Variants in SRPK2 observed in about 807,000 individuals in gnomAD.
SRPK2 encodes SRSF protein kinase 2.
SRPK2 carries 21 observed loss-of-function variants against 90.8 expected under a neutral mutation model. The observed-to-expected ratio is 0.23, with a 90% CI of 0.16 to 0.33. The LOEUF is 0.33. Among genes scored for constraint, SRPK2 ranks in the 10% least tolerant of loss-of-function variants. SRPK2 has a pLI of 1.00. For synonymous variants in SRPK2, 288 were observed against 311.1 expected (o/e 0.93, Z 0.78); for missense variants, 620 against 869.0 (o/e 0.71, Z 3.60).
At chr7:105,246,486 A>G (rs1195727642) in intron 2 of SRPK2, among the ~76,000 whole-genome samples, 2 of 152,228 alleles carry the variant, frequency 1.3e-5, no homozygotes, top group Non-Finnish European at 2.9e-5. Context: ...CAGAATACAG[A>G]GCTACAGATA....
At chr7:105,385,890 T>TA (rs1321979086) in intron 2 of SRPK2, among the ~76,000 whole-genome samples, 1 of 152,212 alleles carries the variant, frequency 6.6e-6, no homozygotes, top group Non-Finnish European at 1.5e-5. Flanking sequence ...CATCTATTAT[T>TA]ATTACTTAAC....
At chr7:105,218,375 CAGT>C (rs747849232) in intron 2 of SRPK2, among the ~76,000 whole-genome samples, 3 of 152,172 alleles carry the variant, frequency 2.0e-5, no homozygotes, top group Non-Finnish European at 4.4e-5. Flanking sequence ...TCTTCTGACT[CAGT>C]AGGTCAGGAA....
intron 2 of SRPK2, among the ~76,000 whole-genome samples, chr7:105,315,992 G>A (rs960727840): frequency 1.3e-5 from 2 of 149,290 alleles, no homozygotes; most frequent in African/African-American, 4.9e-5. Context: ...GCAAAAAGGT[G>A]TACACTAAAC....
At chr7:105,218,847 C>T (rs1216333150) in intron 2 of SRPK2, among the ~76,000 whole-genome samples, 1 of 151,828 alleles carries the variant, frequency 6.6e-6, no homozygotes, top group Admixed American at 6.6e-5. Context: ...ATTCATTTTT[C>T]TTTTCTCCTT....
chr7:105,220,831 G>C (rs1798007469), intron 2 of SRPK2, among the ~76,000 whole-genome samples: 1 of 151,970 alleles, frequency 6.6e-6, no homozygotes, highest in Admixed American at 6.6e-5. Flanking sequence ...TGTTTCAGAA[G>C]CCATCTTGAA....
At chr7:105,395,952 G>C (rs1822309435) in intron 1 of SRPK2, among the ~76,000 whole-genome samples, 1 of 151,862 alleles carries the variant, frequency 6.6e-6, no homozygotes, top group South Asian at 2.1e-4. Context: ...TTTCACTCTT[G>C]TTGCTCGGGC....
At chr7:105,311,689 A>G (rs1221055276) in intron 2 of SRPK2, among the ~76,000 whole-genome samples, 1 of 152,214 alleles carries the variant, frequency 6.6e-6, no homozygotes, top group Non-Finnish European at 1.5e-5. Flanking sequence ...AATACAGACA[A>G]TAAGTGTAGG....
intron 7 of SRPK2, among the ~76,000 whole-genome samples, chr7:105,148,353 T>A (rs1804978971): frequency 6.6e-6 from 1 of 152,216 alleles, no homozygotes; most frequent in Non-Finnish European, 1.5e-5. Context: ...AAGAAAGTGA[T>A]GAACCAAGAT....
chr7:105,271,860 C>A (rs1211062666), intron 2 of SRPK2, among the ~76,000 whole-genome samples: 2 of 152,154 alleles, frequency 1.3e-5, no homozygotes, highest in African/African-American at 2.4e-5. Flanking sequence ...CTTTATTTTT[C>A]TGCAATAAAG....
At chr7:105,370,151 A>C (rs1315156063) in intron 2 of SRPK2, among the ~76,000 whole-genome samples, 1 of 152,226 alleles carries the variant, frequency 6.6e-6, no homozygotes, top group Admixed American at 6.5e-5. Flanking sequence ...TGAAGCACCC[A>C]GCCACAAAAG....
At chr7:105,181,320 G>A (rs892339307) in intron 3 of SRPK2, among the ~76,000 whole-genome samples, 2 of 152,184 alleles carry the variant, frequency 1.3e-5, no homozygotes, top group African/African-American at 2.4e-5. Flanking sequence ...ATTCCTCAAG[G>A]AAATTTAAAC....
intron 2 of SRPK2, among the ~76,000 whole-genome samples, chr7:105,350,587 A>G (rs1204399536): frequency 3.5e-5 from 5 of 142,318 alleles, no homozygotes; most frequent in Non-Finnish European, 6.0e-5. Context: ...GCAGTGGCTC[A>G]ATCTGAGCTC....
chr7:105,349,558 A>G (rs1816909518), intron 2 of SRPK2, among the ~76,000 whole-genome samples: 1 of 151,544 alleles, frequency 6.6e-6, no homozygotes, highest in Non-Finnish European at 1.5e-5. Context: ...AAAGAGAGTA[A>G]TAACATATAG....
chr7:105,141,367 T>C (rs1803749786), intron 11 of SRPK2, among the ~76,000 whole-genome samples: 1 of 152,202 alleles, frequency 6.6e-6, no homozygotes, highest in Non-Finnish European at 1.5e-5. Context: ...CCAGCTGTGT[T>C]ACCCAGTTTT....
intron 2 of SRPK2, among the ~76,000 whole-genome samples, chr7:105,341,357 C>CAAAAAAAA (rs746893526): frequency 6.0e-4 from 40 of 66,672 alleles, no homozygotes; most frequent in African/African-American, 2.5e-3. Context: ...GACTCCGTCT[C>CAAAAAAAA]AAAAAAAAAA....
At chr7:105,340,176 T>G (rs954859765) in intron 2 of SRPK2, among the ~76,000 whole-genome samples, 1 of 152,096 alleles carries the variant, frequency 6.6e-6, no homozygotes, top group Admixed American at 6.6e-5. Flanking sequence ...TTTTTATTAA[T>G]CTCTAACCTT....
At chr7:105,237,468 A>G (rs1800274151) in intron 2 of SRPK2, among the ~76,000 whole-genome samples, 1 of 152,356 alleles carries the variant, frequency 6.6e-6, no homozygotes, top group African/African-American at 2.4e-5. Context: ...AATTTTCCTC[A>G]TTAAAACAAC....
chr7:105,214,007 A>C, intron 2 of SRPK2, among the ~76,000 whole-genome samples: 1 of 152,280 alleles, frequency 6.6e-6, no homozygotes, highest in Non-Finnish European at 1.5e-5. Flanking sequence ...GGGAAATCCT[A>C]AACCTGTGTT....
chr7:105,119,123 G>A (rs1033205169), intron 15 of SRPK2, among the ~76,000 whole-genome samples: 8 of 151,656 alleles, frequency 5.3e-5, no homozygotes, highest in African/African-American at 1.5e-4. Flanking sequence ...GGTCTCGGTG[G>A]GGGGAGAGAG....
Sources: gnomAD v4.1 joint callset for allele counts (sites outside exome capture counted in the v4.1 genomes callset) on GRCh38, gnomAD v4.1.1 for gene constraint, MANE v1.5 for transcripts, NCBI Gene and HGNC (gene_info 2026-07-23, HGNC 2026-07-21) for gene names.